TAF13: variants seen among roughly 807,000 people sequenced by gnomAD.
The protein encoded by TAF13 is transcription initiation factor TFIID subunit 13.
In TAF13, 9 loss-of-function variants were observed where a neutral mutation model predicts 18.7. The observed-to-expected ratio is 0.48, with a 90% CI of 0.29 to 0.84. The LOEUF (loss-of-function observed/expected upper bound fraction) is 0.84, where lower values mean the gene tolerates loss of function less well. TAF13 is among the 40% of genes least tolerant of loss of function. The pLI, the probability that TAF13 is intolerant of heterozygous loss-of-function variation, is 0.08. For missense variants in TAF13, 105 were observed against 146.5 expected, an observed-to-expected ratio of 0.72 and a Z score of 1.46; for synonymous variants, 49 against 44.1, an observed-to-expected ratio of 1.11 and a Z score of -0.44.
rs1468217786 is a variant in TAF13 at position 109,064,516 on chromosome 1, A to AAAAGTGTCAAGATCC, written c.367_*6dup. ...CAGATGGTAATTTTCGGAAACTACAAAAAGTGTCAAGATCCATAATTTGCT... is the reference window on the plus strand; with the variant it reads ...CAGATGGTAATTTTCGGAAACTACAAAAAGTGTCAAGATCCAAAGTGTCAAGATCCATAATTTGCT... On this transcript the variant is annotated 3_prime_UTR_variant, in exon 4 of 4. Coordinates refer to ENST00000338366, the MANE Select transcript of TAF13 (RefSeq NM_005645.4). 17 of 1,457,114 alleles carry AAAAGTGTCAAGATCC rather than the reference A, an allele frequency of 1.2e-5. No homozygotes were observed. Among genetic ancestry groups the AAAAGTGTCAAGATCC allele is most frequent in the African/African-American group, 2.9e-5 (2 of 68,910 alleles). The allele number at this position is 1,457,114 out of a possible 1,614,324, so 90.3% of individuals were successfully genotyped here. A position where few individuals can be genotyped will look rare whatever the true frequency, so the allele number is the denominator to read the frequency against.
intron 2 of TAF13, 43 bp from the exon 3 acceptor site, chr1:109,066,275 TTAAC>T (rs748989258): frequency 6.7e-7 from 1 of 1,490,060 alleles, no homozygotes; most frequent in South Asian, 1.2e-5. Flanking sequence ...TTTTACAGAT[TTAAC>T]AATTTGATAC....
intron 2 of TAF13, among the ~76,000 whole-genome samples, chr1:109,068,873 G>C (rs34747818): frequency 6.6e-6 from 1 of 151,946 alleles, no homozygotes; most frequent in African/African-American, 2.4e-5. Context: ...GTGGTGGCAC[G>C]CACCTGTAAT....
chr1:109,066,082 A>T (rs1663946447), intron 3 of TAF13, 53 bp downstream of exon 3: 7 of 1,476,718 alleles, frequency 4.7e-6, no homozygotes, highest in South Asian at 1.2e-5. Flanking sequence ...CTAAAGTTTA[A>T]TATTTCAAAT....
Position 109,072,357 on chromosome 1 carries a change from T to G in TAF13, c.106+2630A>C, listed in dbSNP as rs114117917. Among the ~76,000 whole-genome samples the G allele has an allele frequency of 6.5e-3, 991 of 151,844 alleles. 8 individuals carry two copies. The highest frequency in any genetic ancestry group is 0.022 in the African/African-American group (922 of 41,374). On this transcript the variant is annotated intron_variant, in intron 2 of 3. Coordinates refer to ENST00000338366, the MANE Select transcript of TAF13 (RefSeq NM_005645.4). ...AGTATTAGTAGCAGCTCTCCCTTCC[T>G]CGTGTTGCCAAAAAGGGTCAAAACC...
Position 109,064,540 on chromosome 1 carries a change from C to T in TAF13, c.358G>A (p.Ala120Thr). Residue 120 changes from alanine to threonine, a missense_variant, in exon 4 of 4, where the codon GCA becomes ACA. Ala to Thr is a moderately conservative substitution (Grantham distance 58, BLOSUM62 0). Coordinates refer to ENST00000338366, the MANE Select transcript of TAF13 (RefSeq NM_005645.4). ...LKRARKAFDEANYGS is the reference protein window; with the variant it reads ...LKRARKAFDETNYGS ...AAAAAGTGTCAAGATCCATAATTTG[C>T]TTCATCAAATGCTTTTCTAGCTCGT... 1.3e-6 allele frequency: 2 copies of T among 1,508,534 alleles called. No homozygotes were observed. The highest frequency in any genetic ancestry group is 1.4e-5 in the South Asian group (1 of 73,194). The allele number at this position is 1,508,534 out of a possible 1,614,324, so 93.4% of individuals were successfully genotyped here. A position where few individuals can be genotyped will look rare whatever the true frequency, so the allele number is the denominator to read the frequency against.
chr1:109,075,423 C>T (rs532287933), intron 1 of TAF13, among the ~76,000 whole-genome samples: 1 of 152,136 alleles, frequency 6.6e-6, no homozygotes, highest in African/African-American at 2.4e-5. Flanking sequence ...GTAAGCAAAA[C>T]TAATATTTCC....
intron 2 of TAF13, among the ~76,000 whole-genome samples, chr1:109,074,770 ACTCCGT>A (rs1664153102): frequency 6.9e-6 from 1 of 145,808 alleles, no homozygotes; most frequent in South Asian, 2.1e-4. Context: ...ACAGAGCGAG[ACTCCGT>A]CTCAAAAAAA....
intron 2 of TAF13, among the ~76,000 whole-genome samples, chr1:109,074,448 G>A (rs572795007): frequency 7.5e-4 from 114 of 152,210 alleles, no homozygotes; most frequent in African/African-American, 2.6e-3. Context: ...GAGGAAGGCC[G>A]CAGGGTCCTC....
At chr1:109,064,970 TAG>T (rs555725398) in intron 3 of TAF13, among the ~76,000 whole-genome samples, 143 of 152,266 alleles carry the variant, frequency 9.4e-4, no homozygotes, top group Non-Finnish European at 1.7e-3. Context: ...TTGATATATG[TAG>T]ATTTTGTCTT....
intron 2 of TAF13, among the ~76,000 whole-genome samples, chr1:109,072,943 G>C (rs936964045): frequency 1.3e-5 from 2 of 151,692 alleles, no homozygotes; most frequent in Non-Finnish European, 2.9e-5. Context: ...ATGTTGGCCA[G>C]GCTGGTCTCG....
intron 2 of TAF13, among the ~76,000 whole-genome samples, chr1:109,070,211 C>T (rs1249334312): frequency 1.3e-5 from 2 of 150,972 alleles, no homozygotes; most frequent in African/African-American, 2.4e-5. Flanking sequence ...AAAACCTTGA[C>T]GCTTTCTTTT....
At chr1:109,068,677 CTATA>C (rs1663992194) in intron 2 of TAF13, among the ~76,000 whole-genome samples, 1 of 151,998 alleles carries the variant, frequency 6.6e-6, no homozygotes, top group Non-Finnish European at 1.5e-5. Flanking sequence ...ATCCTATCGC[CTATA>C]AACTCCCAGT....
At chr1:109,064,861 C>T (rs1231194597) in intron 3 of TAF13, among the ~76,000 whole-genome samples, 168 bp from the exon 4 acceptor site, 1 of 151,830 alleles carries the variant, frequency 6.6e-6, no homozygotes, top group Non-Finnish European at 1.5e-5. Flanking sequence ...CTATTTTCTA[C>T]TGGATTATTA....
intron 1 of TAF13, 117 bp from the exon 2 acceptor site, chr1:109,075,182 A>C (rs1664159597): frequency 2.1e-6 from 1 of 480,054 alleles, no homozygotes; most frequent in East Asian, 4.7e-5. Flanking sequence ...AGGAAGCAGC[A>C]AAAAAAAAAA....
chr1:109,075,079 T>G lies in TAF13; in HGVS notation c.28-14A>C. ...TTCTTCCTCAAACTAGAAGTTAAAATGTATATATAGAAATGTCAAATAATT... is the reference window on the plus strand; with the variant it reads ...TTCTTCCTCAAACTAGAAGTTAAAAGGTATATATAGAAATGTCAAATAATT... On this transcript the variant is annotated splice_polypyrimidine_tract_variant and intron_variant, in intron 1 of 3. Transcript: ENST00000338366. 6.3e-7 allele frequency: 1 copy of G among 1,589,558 alleles called. No homozygotes were observed. Among genetic ancestry groups the G allele is most frequent in the Non-Finnish European group, 8.6e-7 (1 of 1,167,064 alleles).
intron 2 of TAF13, among the ~76,000 whole-genome samples, chr1:109,067,821 T>C (rs1219845073): frequency 6.6e-6 from 1 of 152,150 alleles, no homozygotes; most frequent in Non-Finnish European, 1.5e-5. Context: ...ATTCTATAGA[T>C]GAGAAAATTA....
chr1:109,073,961 G>A (rs180676851), intron 2 of TAF13, among the ~76,000 whole-genome samples: 4 of 151,716 alleles, frequency 2.6e-5, no homozygotes, highest in Admixed American at 2.6e-4. Flanking sequence ...GGGAGGTGAG[G>A]AGCGCCTCTG....
intron 2 of TAF13, among the ~76,000 whole-genome samples, chr1:109,073,891 G>C (rs1405446835): frequency 6.6e-6 from 1 of 151,892 alleles, no homozygotes. Flanking sequence ...GAGCGCCTCT[G>C]CTCGGCCGCT....
chr1:109,066,470 C>A (rs1663952470), intron 2 of TAF13, among the ~76,000 whole-genome samples: 1 of 152,124 alleles, frequency 6.6e-6, no homozygotes, highest in African/African-American at 2.4e-5. Flanking sequence ...CCTACTGAAC[C>A]CTAAGGTAAA....
Sources: gnomAD v4.1 joint callset for allele counts (sites outside exome capture counted in the v4.1 genomes callset) on GRCh38, gnomAD v4.1.1 for gene constraint, MANE v1.5 for transcripts, NCBI Gene and HGNC (gene_info 2026-07-23, HGNC 2026-07-21) for gene names.